The following AGO2 variants were observed in gnomAD, a reference collection of about 807,000 sequenced individuals.
The protein encoded by AGO2 is protein argonaute-2.
AGO2 carries 5 observed loss-of-function variants against 102.3 expected under a neutral mutation model. That is an observed-to-expected ratio of 0.05 (90% CI 0.03 to 0.10). The LOEUF is 0.10. Ranked by LOEUF, AGO2 falls within the 10% of genes least tolerant of loss-of-function variation. The pLI, the probability that AGO2 is intolerant of heterozygous loss-of-function variation, is 1.00. For synonymous variants in AGO2, 449 were observed against 473.1 expected, an observed-to-expected ratio of 0.95 and a Z score of 0.66; for missense variants, 541 against 1,183.7, an observed-to-expected ratio of 0.46 and a Z score of 7.97.
chr8:140,570,781 G>A (rs996919567), intron 3 of AGO2, among the ~76,000 whole-genome samples: 4 of 152,182 alleles, frequency 2.6e-5, no homozygotes, highest in Non-Finnish European at 5.9e-5. Context: ...CAGGAAGGGT[G>A]GAGCCAGGCC....
chr8:140,576,371 A>G (rs1165190283), intron 2 of AGO2, among the ~76,000 whole-genome samples: 1 of 152,240 alleles, frequency 6.6e-6, no homozygotes, highest in Non-Finnish European at 1.5e-5. Flanking sequence ...GAAATATTCC[A>G]TAATCACAAA....
At position 140,559,333 on chromosome 8, in the gene AGO2, C is replaced by T. The variant is rs192261594; in HGVS notation, c.790+62G>A. 91 of 1,593,390 alleles carry T rather than the reference C, an allele frequency of 5.7e-5. 1 individual carries two copies. The Admixed American group carries it at 8.0e-4, about 14-fold the overall frequency. The stretch of plus-strand genomic sequence containing the variant: ...GAACCAGAACTGCAAAATGCGGTCC[C>T]GGAGGCGGACCGGGAAGGGGCCTCC... On this transcript the variant is annotated intron_variant, in intron 6 of 18. Transcript: ENST00000220592.
rs555248344 is a variant in AGO2 at position 140,535,574 on chromosome 8, G to A, written c.2170-5C>T. On this transcript the variant is annotated splice_polypyrimidine_tract_variant and splice_region_variant and intron_variant, in intron 16 of 18. Transcript: ENST00000220592. ...AATGTTTCCACTTTTCCCAACCTTC[G>A]GCAACACAGGCATCTCGTTAGACAC... 13 of 1,614,052 alleles carry A rather than the reference G, an allele frequency of 8.1e-6. No individual in the cohort carries two copies. The highest frequency in any genetic ancestry group is 5.3e-5 in the African/African-American group (4 of 75,062).
At position 140,531,765 on chromosome 8, in the gene AGO2, G is replaced by A. The variant is rs149250466; in HGVS notation, c.*279C>T. ...CCCTGAGTTCATAGACTGGTTTTAG[G>A]AGATTTTTAGGACACACGGGACTCT... On this transcript the variant is annotated 3_prime_UTR_variant, in exon 19 of 19. Transcript: ENST00000220592. 171 of 302,206 alleles carry A rather than the reference G, an allele frequency of 5.7e-4. 1 individual carries two copies. The East Asian group carries it at 0.01, about 18-fold the overall frequency. 18.7% of individuals were successfully genotyped at this position (302,206 alleles called of 1,614,324 possible).
chr8:140,620,077 G>C (rs1563653344), intron 1 of AGO2, among the ~76,000 whole-genome samples: 1 of 152,182 alleles, frequency 6.6e-6, no homozygotes. Flanking sequence ...TTCCAGGAGA[G>C]GAACAGTCAG....
At chr8:140,550,558 CTCT>C (rs753431168) in intron 11 of AGO2, among the ~76,000 whole-genome samples, 1 of 152,210 alleles carries the variant, frequency 6.6e-6, no homozygotes, top group Non-Finnish European at 1.5e-5. Context: ...TTAATCACTC[CTCT>C]TGTCTGGGAA....
At position 140,595,736 on chromosome 8, in the gene AGO2, TTA is replaced by T. The variant is rs1283125238; in HGVS notation, c.23-10427_23-10426del. ...TATTATATTATATAATATGTAAATGTTATATATTATATATAATTGTATATACA... is the reference window on the plus strand; with the variant it reads ...TATTATATTATATAATATGTAAATGTTATATTATATATAATTGTATATACA... On this transcript the variant is annotated intron_variant, in intron 1 of 18. Transcript: ENST00000220592. Among the ~76,000 whole-genome samples the T allele has an allele frequency of 2.5e-3, 320 of 126,008 alleles. 1 individual carries two copies. The highest frequency in any genetic ancestry group is 7.8e-3 in the Middle Eastern group (2 of 258). The allele number at this position is 126,008 out of a possible 152,430, so 82.7% of individuals were successfully genotyped here.
intron 3 of AGO2, among the ~76,000 whole-genome samples, chr8:140,570,078 A>G (rs1023814041): frequency 7.2e-5 from 11 of 152,396 alleles, no homozygotes; most frequent in African/African-American, 2.6e-4. Flanking sequence ...GCTCTCACAC[A>G]GAAGGTTAAT....
rs995505345 is a variant in AGO2, at chr8:140,539,976, G to A, written c.2035-522C>T. ...GTGGTGGGCACCTGTCGTAATCCCAGCTACTCCGGAGGCAGAGGCAGGAGA... is the reference window on the plus strand; with the variant it reads ...GTGGTGGGCACCTGTCGTAATCCCAACTACTCCGGAGGCAGAGGCAGGAGA... On this transcript the variant is annotated intron_variant, in intron 15 of 18. Coordinates refer to ENST00000220592, the MANE Select transcript of AGO2 (RefSeq NM_012154.5). This position sits in a 1 kb window ranked among gnomAD's most constrained non-coding sequence, Gnocchi z 4.7. Among the ~76,000 whole-genome samples, 14 of 152,188 alleles carry A rather than the reference G, an allele frequency of 9.2e-5. No homozygotes were observed. The highest frequency in any genetic ancestry group is 3.1e-4 in the African/African-American group (13 of 41,442).
intron 16 of AGO2, among the ~76,000 whole-genome samples, chr8:140,537,825 T>G (rs1241552394): frequency 6.6e-6 from 1 of 152,198 alleles, no homozygotes; most frequent in South Asian, 2.1e-4. Flanking sequence ...TTTTGGGTAT[T>G]GTTTTTCTTT....
intron 1 of AGO2, among the ~76,000 whole-genome samples, chr8:140,620,440 T>C (rs2074204023): frequency 6.6e-6 from 1 of 152,216 alleles, no homozygotes; most frequent in African/African-American, 2.4e-5. Context: ...AATGAAATGA[T>C]ATGACTCAAA....
intron 1 of AGO2, among the ~76,000 whole-genome samples, chr8:140,620,976 T>C (rs2074210325): frequency 6.6e-6 from 1 of 152,188 alleles, no homozygotes; most frequent in Non-Finnish European, 1.5e-5. Context: ...TGCAATGGCA[T>C]GATCACAGCT....
Position 140,541,591 on chromosome 8 carries a change from TAAACA to T in AGO2, c.1840-238_1840-234del, listed in dbSNP as rs137961668. On this transcript the variant is annotated intron_variant, in intron 14 of 18. Transcript: ENST00000220592. Reference sequence around the variant, plus strand: ...CAAAAGTTTGCCAAGTTACATAGTTTAAACAAAACAAAACAAAACAAAACAAAACA... The same window carrying T: ...CAAAAGTTTGCCAAGTTACATAGTTTAAACAAAACAAAACAAAACAAAACA... 305 of 438,136 alleles carry T rather than the reference TAAACA, an allele frequency of 7.0e-4. 1 individual carries two copies. The highest frequency in any genetic ancestry group is 1.8e-3 in the South Asian group (46 of 25,630). The allele number at this position is 438,136 out of a possible 1,614,324, so 27.1% of individuals were successfully genotyped here. A position where few individuals can be genotyped will look rare whatever the true frequency, so the allele number is the denominator to read the frequency against.
chr8:140,537,975 C>T (rs976986263), intron 16 of AGO2, among the ~76,000 whole-genome samples: 7 of 152,088 alleles, frequency 4.6e-5, no homozygotes, highest in South Asian at 4.2e-4. Flanking sequence ...CCCGCCACCA[C>T]GCCTGGGTAA....
chr8:140,624,522 C>T (rs2074251796), intron 1 of AGO2, among the ~76,000 whole-genome samples: 1 of 152,252 alleles, frequency 6.6e-6, no homozygotes, highest in African/African-American at 2.4e-5. Flanking sequence ...CGCCGGGCTA[C>T]ACCCAGGAGA....
At chr8:140,566,256 G>T (rs1296088572) in intron 3 of AGO2, among the ~76,000 whole-genome samples, 1 of 152,180 alleles carries the variant, frequency 6.6e-6, no homozygotes, top group Admixed American at 6.5e-5. Flanking sequence ...TTCTGCTTTT[G>T]CTTCTTCGTC....
chr8:140,545,465 C>G (rs1002627188), intron 13 of AGO2, among the ~76,000 whole-genome samples: 1 of 152,172 alleles, frequency 6.6e-6, no homozygotes, highest in Non-Finnish European at 1.5e-5. Context: ...GAACTCCAGC[C>G]TTCTCTAGGG....
chr8:140,568,892 C>T (rs1051976500), intron 3 of AGO2, among the ~76,000 whole-genome samples: 6 of 152,190 alleles, frequency 3.9e-5, no homozygotes, highest in Non-Finnish European at 5.9e-5. Context: ...CTGGCTCATT[C>T]GAGGGGACCC....
chr8:140,595,871 ATAT>A (rs1564106958), intron 1 of AGO2, among the ~76,000 whole-genome samples: 20 of 111,538 alleles, frequency 1.8e-4, no homozygotes, highest in Non-Finnish European at 3.2e-4. Context: ...ATACAATTGT[ATAT>A]TATATAATAT....
Sources: allele counts gnomAD v4.1 joint callset (sites outside exome capture counted in the v4.1 genomes callset), GRCh38; gene constraint gnomAD v4.1.1; non-coding constraint Gnocchi (gnomAD v3.1); transcripts MANE v1.5; gene names NCBI Gene and HGNC (gene_info 2026-07-23, HGNC 2026-07-21).